LRCH1: variants seen among roughly 807,000 people sequenced by gnomAD.
LRCH1 encodes the protein leucine rich repeats and calponin homology domain containing 1.
A neutral mutation model predicts 94.9 loss-of-function variants in LRCH1; 23 were observed. The observed-to-expected ratio is 0.24, with a 90% CI of 0.17 to 0.34. LRCH1 has a LOEUF of 0.34. LRCH1 is among the 10% of genes least tolerant of loss of function. LRCH1 has a pLI of 1.00. For synonymous variants in LRCH1, 364 were observed against 354.9 expected, an observed-to-expected ratio of 1.03 and a Z score of -0.29; for missense variants, 790 against 945.9, an observed-to-expected ratio of 0.84 and a Z score of 2.16.
At chr13:46,718,914 GC>G (rs1186269524) in intron 16 of LRCH1, among the ~76,000 whole-genome samples, 1 of 152,272 alleles carries the variant, frequency 6.6e-6, no homozygotes, top group Non-Finnish European at 1.5e-5. Context: ...ATATGAAGAT[GC>G]ATTTCATGCA....
Position 46,553,351 on chromosome 13 carries a change from C to T in LRCH1, c.-46C>T. The T allele has an allele frequency of 1.4e-6, 2 of 1,447,438 alleles. No homozygotes were observed. Among genetic ancestry groups the T allele is most frequent in the African/African-American group, 1.4e-5 (1 of 70,882 alleles). 89.7% of individuals were successfully genotyped at this position (1,447,438 alleles called of 1,614,324 possible). ...TTTCCCCTCGCGGGGAACGCTGTGA[C>T]CCCCCCGCAGGAGCGGCGGGGCGGG... is the stretch of plus-strand genomic sequence containing the variant. On this transcript the variant is annotated 5_prime_UTR_variant, in exon 1 of 20. Transcript: ENST00000389797.
chr13:46,742,444 C>T lies in LRCH1; in HGVS notation c.*596C>T, dbSNP rs1477893430. 1.0e-6 allele frequency: 1 copy of T among 987,124 alleles called. No homozygotes were observed. Among genetic ancestry groups the T allele is most frequent in the African/African-American group, 1.7e-5 (1 of 57,246 alleles). The allele number at this position is 987,124 out of a possible 1,614,324, so 61.1% of individuals were successfully genotyped here. A position where few individuals can be genotyped will look rare whatever the true frequency, so the allele number is the denominator to read the frequency against. ...ATTCGATTGGATTCCTCCCAAATTT[C>T]CTAAAAAGGGAGCCGCGAAGGGCGC... On this transcript the variant is annotated 3_prime_UTR_variant, in exon 20 of 20. Coordinates refer to ENST00000389797, the MANE Select transcript of LRCH1 (RefSeq NM_001164211.2).
At chr13:46,603,455 A>G (rs879450716) in intron 1 of LRCH1, among the ~76,000 whole-genome samples, 10 of 152,200 alleles carry the variant, frequency 6.6e-5, no homozygotes, top group African/African-American at 2.4e-4. Context: ...ACAACAGAAA[A>G]GAATCTAGGG....
intron 11 of LRCH1, among the ~76,000 whole-genome samples, chr13:46,702,449 C>T (rs1260000485): frequency 1.3e-5 from 2 of 152,096 alleles, no homozygotes; most frequent in Non-Finnish European, 2.9e-5. Context: ...TTGCAGCGAG[C>T]CGAGATCGTG....
chr13:46,625,482 C>T lies in LRCH1; in HGVS notation c.308-24719C>T, dbSNP rs138746417. On this transcript the variant is annotated intron_variant, in intron 1 of 19. Coordinates refer to ENST00000389797, the MANE Select transcript of LRCH1 (RefSeq NM_001164211.2). Reference sequence around the variant, plus strand: ...AAAGAGACCCCAGAGAGCTTCTTTCCTCTTCTACCATATGAGGACACTGTG... The same window carrying T: ...AAAGAGACCCCAGAGAGCTTCTTTCTTCTTCTACCATATGAGGACACTGTG... Among the ~76,000 whole-genome samples, 1,445 of 152,274 alleles carry T rather than the reference C, an allele frequency of 9.5e-3. 11 individuals are homozygous for T. Among genetic ancestry groups the T allele is most frequent in the Middle Eastern group, 0.017 (5 of 294 alleles).
At chr13:46,617,101 G>T (rs2050819013) in intron 1 of LRCH1, among the ~76,000 whole-genome samples, 5 of 152,236 alleles carry the variant, frequency 3.3e-5, no homozygotes, top group Admixed American at 2.0e-4. Context: ...CACAGGGGAT[G>T]CGATGGCTTG....
chr13:46,621,833 A>C (rs1223610531), intron 1 of LRCH1, among the ~76,000 whole-genome samples: 1 of 152,056 alleles, frequency 6.6e-6, no homozygotes, highest in African/African-American at 2.4e-5. Context: ...TATAACAAAA[A>C]AGAAGTCATC....
Position 46,622,350 on chromosome 13 carries a change from C to T in LRCH1, c.308-27851C>T, listed in dbSNP as rs9595502. Among the ~76,000 whole-genome samples the T allele has an allele frequency of 6.8e-3, 1,032 of 152,220 alleles. 10 individuals are homozygous for T. Among genetic ancestry groups the T allele is most frequent in the African/African-American group, 0.024 (999 of 41,532 alleles). ...ACACAATCTATCGTTGTTCAGTCTC[C>T]ACTATTAAATAGATTTTCATTCACT... On this transcript the variant is annotated intron_variant, in intron 1 of 19. Coordinates refer to ENST00000389797, the MANE Select transcript of LRCH1 (RefSeq NM_001164211.2).
intron 1 of LRCH1, among the ~76,000 whole-genome samples, chr13:46,624,914 A>G (rs890717573): frequency 4.6e-5 from 7 of 152,200 alleles, no homozygotes; most frequent in African/African-American, 9.7e-5. Context: ...GTAATCAGTA[A>G]TCTTCCTTCC....
chr13:46,621,498 A>T (rs1293653304), intron 1 of LRCH1, among the ~76,000 whole-genome samples: 1 of 152,170 alleles, frequency 6.6e-6, no homozygotes, highest in Non-Finnish European at 1.5e-5. Context: ...ACAGGCTTTC[A>T]TTTGTATCTT....
At chr13:46,750,874 T>G in exon 19 of LRCH1, 1 of 394,896 alleles carries the variant, frequency 2.5e-6, no homozygotes, top group Non-Finnish European at 4.5e-6. Context: ...GAGAGGGAGC[T>G]GGAGGAAAAA....
Position 46,741,820 on chromosome 13 carries a change from C to CT in LRCH1, c.2266dup (p.Tyr756LeufsTer56), listed in dbSNP as rs1873675270. On this transcript the variant is annotated frameshift_variant, in exon 20 of 20. Transcript: ENST00000389797. LOFTEE classifies it high-confidence loss of function. The stretch of plus-strand genomic sequence containing the variant: ...CTCTTTATAGTGCTGGTCTATATCA[C>CT]TTACCACTGGAATGCTCTGTCCGCA... 1 of 1,614,150 alleles carries CT rather than the reference C, an allele frequency of 6.2e-7. No homozygotes were observed. The highest frequency in any genetic ancestry group is 1.7e-5 in the Admixed American group (1 of 60,032).
At chr13:46,564,865 C>G (rs1034374162) in intron 1 of LRCH1, among the ~76,000 whole-genome samples, 1 of 152,158 alleles carries the variant, frequency 6.6e-6, no homozygotes, top group Non-Finnish European at 1.5e-5. Flanking sequence ...TCAGGTCTGG[C>G]AAACAGTGAG....
intron 1 of LRCH1, among the ~76,000 whole-genome samples, chr13:46,637,427 A>G (rs778501107): frequency 6.6e-6 from 1 of 152,172 alleles, no homozygotes; most frequent in African/African-American, 2.4e-5. Flanking sequence ...CGAAAGCTCT[A>G]TGTGATTGCC....
At chr13:46,678,939 T>C (rs2051713430) in intron 3 of LRCH1, among the ~76,000 whole-genome samples, 1 of 152,228 alleles carries the variant, frequency 6.6e-6, no homozygotes, top group South Asian at 2.1e-4. Flanking sequence ...TCTTTTTGCT[T>C]TCCTCTCCTC....
intron 3 of LRCH1, among the ~76,000 whole-genome samples, chr13:46,670,433 A>G (rs2051582916): frequency 1.3e-5 from 2 of 152,262 alleles, no homozygotes; most frequent in South Asian, 4.2e-4. Context: ...GAGGTTGCCC[A>G]AGTTTAAATG....
At chr13:46,745,981 A>C (rs1305867200), downstream of LRCH1, among the ~76,000 whole-genome samples, 1 of 152,170 alleles carries the variant, frequency 6.6e-6, no homozygotes, top group East Asian at 1.9e-4. Context: ...CTGACATTGA[A>C]ATTGATGGGA....
intron 3 of LRCH1, among the ~76,000 whole-genome samples, chr13:46,672,188 G>GT: frequency 6.6e-6 from 1 of 151,984 alleles, no homozygotes. Flanking sequence ...ATGCATTTAA[G>GT]TTTCCTCCAT....
At position 46,650,194 on chromosome 13, in the gene LRCH1, C is replaced by A; in HGVS notation, c.308-7C>A. The A allele has an allele frequency of 6.2e-7, 1 of 1,603,440 alleles. No individual in the cohort carries two copies. The highest frequency in any genetic ancestry group is 1.1e-5 in the South Asian group (1 of 89,188). On this transcript the variant is annotated splice_polypyrimidine_tract_variant and splice_region_variant and intron_variant, in intron 1 of 19. Transcript: ENST00000389797. ...TGTTGAGAAAATATTCTCTCCTTTT[C>A]TTATAGACTTATCTAAAAACAGACT...
Sources: gnomAD v4.1 joint callset for allele counts (sites outside exome capture counted in the v4.1 genomes callset) on GRCh38, gnomAD v4.1.1 for gene constraint, MANE v1.5 for transcripts, NCBI Gene and HGNC (gene_info 2026-07-23, HGNC 2026-07-21) for gene names.